The following STAB2 variants were observed in gnomAD, a reference collection of about 807,000 sequenced individuals.
The protein encoded by STAB2 is stabilin-2.
STAB2 carries 288 observed loss-of-function variants against 338.1 expected under a neutral mutation model. The ratio of observed to expected loss-of-function variants is 0.85; its 90% confidence interval spans 0.77 to 0.94. STAB2 has a LOEUF of 0.94. STAB2 is among the 40% of genes least tolerant of loss of function. The pLI, the probability that STAB2 is intolerant of heterozygous loss-of-function variation, is 0.00. For synonymous variants in STAB2, 1,202 were observed against 1,193.3 expected, an observed-to-expected ratio of 1.01 and a Z score of -0.15; for missense variants, 3,141 against 3,210.1, an observed-to-expected ratio of 0.98 and a Z score of 0.52.
intron 3 of STAB2, among the ~76,000 whole-genome samples, chr12:103,609,619 C>T (rs1957089221): frequency 6.6e-6 from 1 of 152,110 alleles, no homozygotes; most frequent in South Asian, 2.1e-4. Context: ...GATATACAAT[C>T]ATGTCATCTG....
chr12:103,647,190 A>G (rs12580493), intron 9 of STAB2, among the ~76,000 whole-genome samples: 31,077 of 152,110 alleles, frequency 0.2, 3,466 homozygotes, highest in South Asian at 0.38. Flanking sequence ...GGTAGAACAT[A>G]TGGGCAAAAA....
intron 58 of STAB2, 66 bp from the exon 59 acceptor site, chr12:103,748,896 AC>A (rs1238750352): frequency 6.5e-7 from 1 of 1,542,446 alleles, no homozygotes; most frequent in African/African-American, 1.4e-5. Flanking sequence ...GGTGCCCCAT[AC>A]CCTGACCTGA....
chr12:103,754,468 T>G (rs1353606690), intron 61 of STAB2, among the ~76,000 whole-genome samples: 1 of 152,044 alleles, frequency 6.6e-6, no homozygotes. Context: ...CCTCATAGGG[T>G]TGATTGAGAG....
chr12:103,706,084 A>C (rs936588547), intron 37 of STAB2, among the ~76,000 whole-genome samples: 4 of 152,168 alleles, frequency 2.6e-5, no homozygotes, highest in Admixed American at 6.5e-5. Flanking sequence ...GCACTTGGTC[A>C]TTTAGAAAAC....
At position 103,648,862 on chromosome 12, in the gene STAB2, T is replaced by A. The variant is rs546888972; in HGVS notation, c.1174+39T>A. 5.0e-6 allele frequency: 8 copies of A among 1,602,534 alleles called. 1 individual carries two copies. The South Asian group carries it at 7.9e-5, about 16-fold the overall frequency. On this transcript the variant is annotated intron_variant, in intron 10 of 68. Coordinates refer to ENST00000388887, the MANE Select transcript of STAB2 (RefSeq NM_017564.10). ...GGTACAGATTTCCACACAAAAGTCC[T>A]CTTTCAGGAAAGGGCATCTGCAAGA...
intron 3 of STAB2, among the ~76,000 whole-genome samples, chr12:103,617,830 T>C (rs1253482490): frequency 6.6e-6 from 1 of 152,254 alleles, no homozygotes; most frequent in African/African-American, 2.4e-5. Context: ...CAGTAGATTC[T>C]GGAGCATCTT....
Position 103,755,671 on chromosome 12 carries a change from C to A in STAB2, c.6940C>A (p.Leu2314Met). 6.2e-7 allele frequency: 1 copy of A among 1,614,156 alleles called. No homozygotes were observed. Residue 2314 changes from leucine (L) to methionine (M), a missense_variant, in exon 63 of 69, where the codon CTG becomes ATG. Leu to Met is a conservative substitution (Grantham distance 15). Transcript: ENST00000388887. Reference sequence around the variant, plus strand: ...AGATGGCTTCTCATGCAGTGGGAACCTGCTGCAGGTCCTGATGTCCTTCCC... The same window carrying A: ...AGATGGCTTCTCATGCAGTGGGAACATGCTGCAGGTCCTGATGTCCTTCCC... Reference protein sequence around the residue: ...VGDGFSCSGNLLQVLMSFPSL... With the variant: ...VGDGFSCSGNMLQVLMSFPSL...
At chr12:103,641,231 G>T (rs1018459550) in intron 9 of STAB2, among the ~76,000 whole-genome samples, 1 of 151,444 alleles carries the variant, frequency 6.6e-6, no homozygotes, top group Non-Finnish European at 1.5e-5. Context: ...GCCCCAACAG[G>T]TTGTATTATC....
In STAB2 at chr12:103,652,617, C is replaced by G. The variant is rs1482519651; in HGVS notation, c.1319C>G (p.Ala440Gly). 1.2e-6 allele frequency: 2 copies of G among 1,609,620 alleles called. No homozygotes were observed. Among genetic ancestry groups the G allele is most frequent in the Non-Finnish European group, 1.7e-6 (2 of 1,178,138 alleles). The part of the protein sequence containing the change: ...AQYFVKLHII[A>G]GQMNIEYMNN... ...TACTTTGTGAAACTCCACATAATTG[C>G]TGGTCAGATGAACATCGAATATATG... The change falls in exon 12 of 69, where the codon GCT becomes GGT. Residue 440 changes from alanine (A) to glycine (G), a missense_variant. Ala to Gly is a moderately conservative substitution (Grantham distance 60). Transcript: ENST00000388887.
At chr12:103,654,003 T>C (rs1365735704) in intron 12 of STAB2, among the ~76,000 whole-genome samples, 1 of 151,696 alleles carries the variant, frequency 6.6e-6, no homozygotes, top group Non-Finnish European at 1.5e-5. Context: ...GATGGATGGT[T>C]GGAGAGATGG....
At chr12:103,684,857 TG>T in intron 26 of STAB2, 131 bp from the exon 27 acceptor site, 1 of 710,280 alleles carries the variant, frequency 1.4e-6, no homozygotes, top group Admixed American at 2.3e-5. Context: ...AAAGGGTCTA[TG>T]GGTTACTTCT....
Position 103,713,772 on chromosome 12 carries a change from G to T in STAB2, c.4537+4G>T. The T allele has an allele frequency of 1.2e-6, 2 of 1,613,528 alleles. No individual in the cohort carries two copies. The highest frequency in any genetic ancestry group is 2.2e-5 in the East Asian group (1 of 44,862). Reference sequence around the variant, plus strand: ...GGTGATGGCATTGTGTGCCTGGGTAGGTGTCCTTCCCTCTTCCATCGGCGA... The same window carrying T: ...GGTGATGGCATTGTGTGCCTGGGTATGTGTCCTTCCCTCTTCCATCGGCGA... On this transcript the variant is annotated splice_donor_region_variant and intron_variant, in intron 42 of 68. Transcript: ENST00000388887.
At chr12:103,737,607 T>TG in intron 52 of STAB2, 27 bp from the exon 53 acceptor site, 2 of 162,442 alleles carry the variant, frequency 1.2e-5, no homozygotes, top group Non-Finnish European at 9.1e-6. Flanking sequence ...TCTCTTTCTC[T>TG]TTTTTTTTTT....
At chr12:103,601,311 G>T (rs1167964149) in intron 3 of STAB2, among the ~76,000 whole-genome samples, 2 of 152,216 alleles carry the variant, frequency 1.3e-5, no homozygotes. Flanking sequence ...CTTTAAAGGG[G>T]CTGGGCGAGG....
intron 58 of STAB2, among the ~76,000 whole-genome samples, chr12:103,748,619 C>T (rs868091263): frequency 0.072 from 3,227 of 44,782 alleles, 45 homozygotes; most frequent in African/African-American, 0.13. Context: ...CACACACACA[C>T]ACACACACAC....
At position 103,655,192 on chromosome 12, in the gene STAB2, G is replaced by C. The variant is rs143870025; in HGVS notation, c.1552-59G>C. ...CATCAGTCTTTAAATGTTAGAATTT[G>C]TATTTCCTAAATCACAATATTTTAT... On this transcript the variant is annotated intron_variant, in intron 13 of 68. Transcript: ENST00000388887. The C allele has an allele frequency of 3.6e-4, 543 of 1,488,844 alleles. 3 individuals carry two copies. In the East Asian group the frequency reaches 0.011, roughly 29 times the overall value. 92.2% of individuals were successfully genotyped at this position (1,488,844 alleles called of 1,614,324 possible).
intron 10 of STAB2, among the ~76,000 whole-genome samples, chr12:103,649,778 C>T (rs1162069643): frequency 3.3e-5 from 5 of 152,154 alleles, no homozygotes; most frequent in African/African-American, 1.2e-4. Context: ...CTACCAGTTT[C>T]CTCACAGCCT....
At chr12:103,659,812 G>A (rs1403786563) in intron 15 of STAB2, among the ~76,000 whole-genome samples, 2 of 152,350 alleles carry the variant, frequency 1.3e-5, no homozygotes, top group East Asian at 3.9e-4. Context: ...GAAGGAAGAG[G>A]TGATCGCTAT....
intron 61 of STAB2, chr12:103,755,070 G>T (rs1883991317): frequency 1.9e-6 from 1 of 535,808 alleles, no homozygotes; most frequent in Non-Finnish European, 3.3e-6. Context: ...AGAGAAATGA[G>T]TATGAAAGAC....
Sources: allele counts gnomAD v4.1 joint callset (sites outside exome capture counted in the v4.1 genomes callset), GRCh38; gene constraint gnomAD v4.1.1; transcripts MANE v1.5; gene names NCBI Gene and HGNC (gene_info 2026-07-23, HGNC 2026-07-21).